Variants in PPP3CB observed in about 807,000 individuals in gnomAD.
PPP3CB encodes protein phosphatase 3 catalytic subunit beta.
In PPP3CB, 8 loss-of-function variants were observed where a neutral mutation model predicts 66.4. That is an observed-to-expected ratio of 0.12 (90% CI 0.07 to 0.22). PPP3CB has a LOEUF of 0.22. Among genes scored for constraint, PPP3CB ranks in the 10% least tolerant of loss-of-function variants. The pLI is 1.00. For synonymous variants in PPP3CB, 208 were observed against 221.2 expected, an observed-to-expected ratio of 0.94 and a Z score of 0.53; for missense variants, 319 against 642.5, an observed-to-expected ratio of 0.50 and a Z score of 5.44.
intron 1 of PPP3CB, chr10:73,495,541 G>A (rs2057181344): frequency 7.4e-6 from 2 of 270,388 alleles, no homozygotes; most frequent in East Asian, 8.3e-5. Flanking sequence ...CGGGCTCACT[G>A]CAGCTAACAG....
chr10:73,449,990 G>T (rs1198454095), intron 10 of PPP3CB, among the ~76,000 whole-genome samples: 1 of 152,066 alleles, frequency 6.6e-6, no homozygotes, highest in Non-Finnish European at 1.5e-5. Flanking sequence ...TAAAGAGGGG[G>T]TTTTGCCATG....
intron 3 of PPP3CB, among the ~76,000 whole-genome samples, chr10:73,478,122 C>T (rs2056820577): frequency 6.6e-6 from 1 of 152,076 alleles, no homozygotes; most frequent in South Asian, 2.1e-4. Context: ...AAAAAAATCA[C>T]AATATACTTT....
At chr10:73,485,583 TAC>T (rs1220119341) in intron 1 of PPP3CB, among the ~76,000 whole-genome samples, 2 of 152,212 alleles carry the variant, frequency 1.3e-5, no homozygotes, top group African/African-American at 2.4e-5. Context: ...CTATCCAAAA[TAC>T]AGTCTCTACA....
At chr10:73,489,694 T>C (rs1171504385) in intron 1 of PPP3CB, among the ~76,000 whole-genome samples, 1 of 152,236 alleles carries the variant, frequency 6.6e-6, no homozygotes, top group Non-Finnish European at 1.5e-5. Flanking sequence ...AGGTACTATA[T>C]ACTGCTATAC....
At chr10:73,442,415 G>A (rs531845565) in intron 12 of PPP3CB, among the ~76,000 whole-genome samples, 6 of 152,238 alleles carry the variant, frequency 3.9e-5, no homozygotes, top group African/African-American at 1.2e-4. Flanking sequence ...GGTTTGCTGC[G>A]GATACAATAT....
chr10:73,481,657 T>A (rs2056881770), intron 1 of PPP3CB, among the ~76,000 whole-genome samples: 2 of 143,390 alleles, frequency 1.4e-5, no homozygotes, highest in Admixed American at 6.7e-5. Context: ...CTAGGTTAGA[T>A]TCCTATCAAT....
intron 10 of PPP3CB, among the ~76,000 whole-genome samples, chr10:73,449,941 G>A (rs2056318291): frequency 6.6e-6 from 1 of 152,052 alleles, no homozygotes; most frequent in South Asian, 2.1e-4. Context: ...GACTACAGGT[G>A]CGCACCACCA....
chr10:73,469,402 G>A (rs1370066651), intron 8 of PPP3CB, among the ~76,000 whole-genome samples: 1 of 152,116 alleles, frequency 6.6e-6, no homozygotes, highest in Non-Finnish European at 1.5e-5. Flanking sequence ...TTAGCTGGGC[G>A]AGGTGGCGGG....
In PPP3CB at chr10:73,437,121, C is replaced by A; in HGVS notation, c.*1121G>T. ...TCAGTAACTATCAAAAGAAAGGTTT[C>A]AACATGCAGTCTTGACTTTTATGCT... On this transcript the variant is annotated 3_prime_UTR_variant, in exon 14 of 14. Coordinates refer to ENST00000360663, the MANE Select transcript of PPP3CB (RefSeq NM_021132.4). The A allele has an allele frequency of 6.5e-6, 1 of 152,676 alleles. No individual in the cohort carries two copies. Among genetic ancestry groups the A allele is most frequent in the East Asian group, 1.9e-4 (1 of 5,206 alleles). The allele number at this position is 152,676 out of a possible 1,614,324, so 9.5% of individuals were successfully genotyped here. A position where few individuals can be genotyped will look rare whatever the true frequency, so the allele number is the denominator to read the frequency against.
At chr10:73,468,036 A>T (rs1005338075) in intron 8 of PPP3CB, among the ~76,000 whole-genome samples, 5 of 152,154 alleles carry the variant, frequency 3.3e-5, no homozygotes, top group Admixed American at 3.3e-4. Context: ...GGCAATGAGC[A>T]ATTTTCTAGG....
At chr10:73,490,983 C>T (rs2057063443) in intron 1 of PPP3CB, among the ~76,000 whole-genome samples, 1 of 150,538 alleles carries the variant, frequency 6.6e-6, no homozygotes, top group South Asian at 2.1e-4. Context: ...CAGGTGCGTG[C>T]CACCACACCC....
At chr10:73,465,044 A>G (rs973208225) in intron 9 of PPP3CB, among the ~76,000 whole-genome samples, 1 of 152,138 alleles carries the variant, frequency 6.6e-6, no homozygotes, top group African/African-American at 2.4e-5. Context: ...ATAGATAGAA[A>G]AGAGTTGAGA....
At chr10:73,482,065 T>C (rs574219829) in intron 1 of PPP3CB, among the ~76,000 whole-genome samples, 2 of 152,192 alleles carry the variant, frequency 1.3e-5, no homozygotes, top group Non-Finnish European at 1.5e-5. Flanking sequence ...AAAATAAACA[T>C]TTTTAATGAA....
chr10:73,475,095 T>G (rs1589708232), intron 3 of PPP3CB, 65 bp from the exon 4 acceptor site: 3 of 1,553,890 alleles, frequency 1.9e-6, no homozygotes, highest in East Asian at 4.7e-5. Context: ...TGCTTGATCT[T>G]TGCTCCTTTT....
intron 1 of PPP3CB, 26 bp from the exon 2 acceptor site, chr10:73,479,543 G>A (rs2056841933): frequency 6.3e-7 from 1 of 1,594,120 alleles, no homozygotes; most frequent in Non-Finnish European, 8.6e-7. Context: ...ATTAATAAAA[G>A]ATAAGTCACC....
At position 73,439,824 on chromosome 10, in the gene PPP3CB, C is replaced by T. The variant is rs2056117735; in HGVS notation, c.1396+48G>A. 4 of 1,585,826 alleles carry T rather than the reference C, an allele frequency of 2.5e-6. No homozygotes were observed. The South Asian group carries it at 4.4e-5, about 18-fold the overall frequency. ...CACCCACAGGACATTCTCTGATGCC[C>T]ACCCACACACCACAGATCTCTGCCC... On this transcript the variant is annotated intron_variant, in intron 13 of 13. Transcript: ENST00000360663.
intron 12 of PPP3CB, among the ~76,000 whole-genome samples, chr10:73,440,160 C>T (rs2056122085): frequency 6.6e-6 from 1 of 152,298 alleles, no homozygotes; most frequent in Admixed American, 6.5e-5. Flanking sequence ...AACACAGACA[C>T]CTCAGCACCC....
At chr10:73,462,763 A>G (rs779955850) in intron 9 of PPP3CB, among the ~76,000 whole-genome samples, 12 of 151,940 alleles carry the variant, frequency 7.9e-5, no homozygotes, top group Non-Finnish European at 1.5e-4. Flanking sequence ...CAGCCTGGCC[A>G]ACATGGCGAA....
intron 1 of PPP3CB, among the ~76,000 whole-genome samples, chr10:73,491,659 T>C (rs530482577): frequency 6.6e-6 from 1 of 152,226 alleles, no homozygotes; most frequent in South Asian, 2.1e-4. Context: ...ACCAAGGCTA[T>C]ATGGGTTATC....
Sources: gnomAD v4.1 joint callset for allele counts (sites outside exome capture counted in the v4.1 genomes callset) on GRCh38, gnomAD v4.1.1 for gene constraint, MANE v1.5 for transcripts, NCBI Gene and HGNC (gene_info 2026-07-23, HGNC 2026-07-21) for gene names.